Variants in ASPSCR1 observed in about 807,000 individuals in gnomAD.
ASPSCR1 encodes ASPSCR1 tether for SLC2A4, UBX domain containing.
In ASPSCR1, 55 loss-of-function variants were observed where a neutral mutation model predicts 68.9. That is an observed-to-expected ratio of 0.80 (90% CI 0.64 to 1.00). ASPSCR1 has a LOEUF of 1.00. Among genes scored for constraint, ASPSCR1 ranks in the 50% least tolerant of loss-of-function variants. The pLI is 0.00. For synonymous variants in ASPSCR1, 352 were observed against 332.6 expected, an observed-to-expected ratio of 1.06 and a Z score of -0.63; for missense variants, 765 against 762.2, an observed-to-expected ratio of 1.00 and a Z score of -0.04.
intron 7 of ASPSCR1, among the ~76,000 whole-genome samples, chr17:82,000,885 C>T (rs999137547): frequency 2.0e-5 from 3 of 152,138 alleles, no homozygotes; most frequent in Admixed American, 6.5e-5. Context: ...TGGGCTGGGA[C>T]GCCAGTCCCA....
intron 9 of ASPSCR1, among the ~76,000 whole-genome samples, chr17:82,010,552 A>C (rs1003865701): frequency 2.0e-5 from 3 of 150,740 alleles, no homozygotes; most frequent in Non-Finnish European, 3.0e-5. Context: ...AAAAAAAAAA[A>C]CCAGCACATT....
intron 8 of ASPSCR1, 70 bp from the exon 9 acceptor site, chr17:82,009,416 G>A (rs959351735): frequency 2.0e-6 from 3 of 1,474,094 alleles, no homozygotes; most frequent in Non-Finnish European, 1.8e-6. Context: ...GTGCAGGTGA[G>A]GAGCCCGGGG....
rs1378863345 is a variant in ASPSCR1, at chr17:81,996,985, CGGGGCTCTGGACA to C, written c.933+142_933+154del. 1.6e-5 allele frequency: 24 copies of C among 1,481,310 alleles called. No individual in the cohort carries two copies. The East Asian group carries it at 5.3e-4, about 33-fold the overall frequency. 91.8% of individuals were successfully genotyped at this position (1,481,310 alleles called of 1,614,324 possible). On this transcript the variant is annotated intron_variant, in intron 7 of 15. Transcript: ENST00000306739. Reference sequence around the variant, plus strand: ...CCAAACGCGCAGAGGAACCCAAACGCGGGGCTCTGGACAGGAGCCTTCTGACTTCGCCCAGGAA... The same window carrying C: ...CCAAACGCGCAGAGGAACCCAAACGCGGAGCCTTCTGACTTCGCCCAGGAA...
chr17:81,992,735 G>A (rs1394107862), intron 4 of ASPSCR1, among the ~76,000 whole-genome samples: 1 of 152,262 alleles, frequency 6.6e-6, no homozygotes, highest in South Asian at 2.1e-4. Context: ...TGAGCCCTGC[G>A]TCTCGGGGCC....
At chr17:81,991,077 A>G (rs1351999289) in intron 4 of ASPSCR1, among the ~76,000 whole-genome samples, 27 of 152,140 alleles carry the variant, frequency 1.8e-4, no homozygotes, top group Admixed American at 1.8e-3. Context: ...GAACGATGCC[A>G]AGGGTGAGCC....
chr17:81,979,373 C>A, intron 2 of ASPSCR1, 134 bp downstream of exon 2: 3 of 982,906 alleles, frequency 3.1e-6, no homozygotes, highest in Non-Finnish European at 3.1e-6. Flanking sequence ...TCTGGAGACC[C>A]AAGGCCTTGG....
rs192848784 is a variant in ASPSCR1, at chr17:81,994,543, C to T, written c.375-278C>T. On this transcript the variant is annotated intron_variant, in intron 4 of 15. Coordinates refer to ENST00000306739, the MANE Select transcript of ASPSCR1 (RefSeq NM_024083.4). ...TGCCGGCAGCTCCACGTCCTGCCAG[C>T]GGCCCCGAGACTGGAGGTCTCGGGG... Among the ~76,000 whole-genome samples the T allele has an allele frequency of 1.9e-4, 29 of 152,280 alleles. No homozygotes were observed. In the East Asian group the frequency reaches 4.8e-3, roughly 25 times the overall value.
chr17:82,003,031 A>G (rs2042588363), intron 7 of ASPSCR1, among the ~76,000 whole-genome samples: 1 of 151,990 alleles, frequency 6.6e-6, no homozygotes, highest in South Asian at 2.1e-4. Context: ...CCCGTTTAGT[A>G]GAGATGGAGT....
At chr17:82,012,731 C>T (rs930013392) in intron 12 of ASPSCR1, among the ~76,000 whole-genome samples, 12 of 152,198 alleles carry the variant, frequency 7.9e-5, no homozygotes, top group Non-Finnish European at 1.6e-4. Context: ...CGGCCTCTCC[C>T]GCTGGCCCCC....
chr17:81,977,944 G>A lies in ASPSCR1; in HGVS notation c.102+196G>A, dbSNP rs569447778. Reference sequence around the variant, plus strand: ...GGGTCCCGGGGGTCCCGGGGGTCCCGAGTGGGGGCGGGGCGGTGGCGAGCC... The same window carrying A: ...GGGTCCCGGGGGTCCCGGGGGTCCCAAGTGGGGGCGGGGCGGTGGCGAGCC... On this transcript the variant is annotated intron_variant, in intron 1 of 15. Coordinates refer to ENST00000306739, the MANE Select transcript of ASPSCR1 (RefSeq NM_024083.4). This position sits in a 1 kb window ranked among gnomAD's most constrained non-coding sequence, Gnocchi z 5.0. The A allele has an allele frequency of 7.8e-5, 26 of 334,400 alleles. No individual in the cohort carries two copies. The Admixed American group carries it at 1.0e-3, about 13-fold the overall frequency. The allele number at this position is 334,400 out of a possible 1,614,324, so 20.7% of individuals were successfully genotyped here.
intron 4 of ASPSCR1, among the ~76,000 whole-genome samples, chr17:81,991,707 G>C (rs2042173181): frequency 6.6e-6 from 1 of 152,256 alleles, no homozygotes; most frequent in South Asian, 2.1e-4. Flanking sequence ...CTTGGCGGCT[G>C]GGCTGTCATG....
intron 12 of ASPSCR1, chr17:82,015,601 C>G: frequency 1.7e-6 from 1 of 577,672 alleles, no homozygotes; most frequent in Non-Finnish European, 3.1e-6. Context: ...AGGTGGGATG[C>G]AGATGGGGCT....
chr17:82,000,044 T>C (rs1364718354), intron 7 of ASPSCR1, among the ~76,000 whole-genome samples: 1 of 152,244 alleles, frequency 6.6e-6, no homozygotes, highest in Non-Finnish European at 1.5e-5. Flanking sequence ...AACTCTGCAC[T>C]GTGACACCTG....
chr17:81,983,369 A>G lies in ASPSCR1; in HGVS notation c.159-185A>G, dbSNP rs925666546. On this transcript the variant is annotated intron_variant, in intron 2 of 15. Coordinates refer to ENST00000306739, the MANE Select transcript of ASPSCR1 (RefSeq NM_024083.4). This position sits in a 1 kb window ranked among gnomAD's most constrained non-coding sequence, Gnocchi z 4.4. ...CCCTTCTGCTTGCAGGAGGCCCCAT[A>G]TGATCGGGGACCCGCCTTGTGCCTC... Among the ~76,000 whole-genome samples, 2 of 151,604 alleles carry G rather than the reference A, an allele frequency of 1.3e-5. No individual in the cohort carries two copies. Among genetic ancestry groups the G allele is most frequent in the African/African-American group, 4.8e-5 (2 of 41,240 alleles).
rs1329917953 is a variant in ASPSCR1 at position 81,990,304 on chromosome 17, T to C, written c.375-4517T>C. 6.6e-6 allele frequency among the ~76,000 whole-genome samples: 1 copy of C among 152,116 alleles called. No individual in the cohort carries two copies. Among genetic ancestry groups the C allele is most frequent in the Non-Finnish European group, 1.5e-5 (1 of 68,014 alleles). On this transcript the variant is annotated intron_variant, in intron 4 of 15. Coordinates refer to ENST00000306739, the MANE Select transcript of ASPSCR1 (RefSeq NM_024083.4). The surrounding 1 kb of genome is among the most constrained non-coding windows in gnomAD (Gnocchi z 4.1). Reference sequence around the variant, plus strand: ...GGCCGGGTCCTCGTGGACTGGGCGCTCTCCACTCTGCTTCTCAGGCTCTGC... The same window carrying C: ...GGCCGGGTCCTCGTGGACTGGGCGCCCTCCACTCTGCTTCTCAGGCTCTGC...
intron 7 of ASPSCR1, chr17:82,007,515 T>G (rs909877468): frequency 6.6e-6 from 1 of 152,212 alleles, no homozygotes; most frequent in African/African-American, 2.4e-5. Context: ...CAGCCCACAT[T>G]TCCCCCAGTG....
Position 82,009,077 on chromosome 17 carries a change from G to C in ASPSCR1, c.974G>C (p.Cys325Ser). The change falls in exon 8 of 16, where the codon TGC becomes TCC. Residue 325 changes from cysteine to serine, a missense_variant. Transcript: ENST00000306739. ...REPVDREPVV[C>S]HPDLEERLQA... ...CCCGTGGACCGGGAGCCGGTGGTGT[G>C]CCACCCCGACCTGGAGGAGCGGCTG... The C allele has an allele frequency of 6.3e-7, 1 of 1,576,736 alleles. No homozygotes were observed.
intron 5 of ASPSCR1, 73 bp downstream of exon 5, chr17:81,994,951 C>A: frequency 2.0e-6 from 3 of 1,466,098 alleles, no homozygotes; most frequent in South Asian, 2.5e-5. Flanking sequence ...AATCTGCTGT[C>A]CCGCAGCCGT....
At chr17:81,992,996 C>CA (rs964686987) in intron 4 of ASPSCR1, among the ~76,000 whole-genome samples, 4 of 152,144 alleles carry the variant, frequency 2.6e-5, no homozygotes, top group African/African-American at 9.7e-5. Flanking sequence ...ACCAGGCTGT[C>CA]AGAGTCGGGG....
Sources: gnomAD v4.1 joint callset for allele counts (sites outside exome capture counted in the v4.1 genomes callset) on GRCh38, gnomAD v4.1.1 for gene constraint, Gnocchi (gnomAD v3.1) non-coding constraint, MANE v1.5 for transcripts, NCBI Gene and HGNC (gene_info 2026-07-23, HGNC 2026-07-21) for gene names.